Variants in OSTM1 observed in about 807,000 individuals in gnomAD.
OSTM1 encodes osteoclastogenesis associated transmembrane protein 1.
OSTM1 carries 26 observed loss-of-function variants against 35.4 expected under a neutral mutation model. That is an observed-to-expected ratio of 0.73 (90% CI 0.54 to 1.02). OSTM1 has a LOEUF of 1.02. OSTM1 is among the 50% of genes least tolerant of loss of function. The probability of loss-of-function intolerance (pLI) is 0.00; values close to 1 mark genes in which losing one functional copy is unlikely to be tolerated. For synonymous variants in OSTM1, 181 were observed against 165.0 expected, an observed-to-expected ratio of 1.10 and a Z score of -0.75; for missense variants, 366 against 409.6, an observed-to-expected ratio of 0.89 and a Z score of 0.92.
chr6:108,066,725 G>A (rs62427061), intron 1 of OSTM1, among the ~76,000 whole-genome samples: 35,176 of 151,984 alleles, frequency 0.23, 4,159 homozygotes, highest in Admixed American at 0.26. Context: ...TGGCCTTGAT[G>A]GGGAGATAAG....
At chr6:108,049,176 C>T in intron 5 of OSTM1, 77 bp downstream of exon 5, 2 of 916,702 alleles carry the variant, frequency 2.2e-6, no homozygotes. Context: ...CTCAGAGTAG[C>T]TATCATTTCT....
In OSTM1 at chr6:108,074,666, A is replaced by C. The variant is rs778813681; in HGVS notation, c.-15T>G. 7.8e-6 allele frequency: 12 copies of C among 1,535,012 alleles called. 1 individual carries two copies. The highest frequency in any genetic ancestry group is 2.3e-4 in the Middle Eastern group (1 of 4,408). On this transcript the variant is annotated 5_prime_UTR_variant, in exon 1 of 6. Transcript: ENST00000193322. Reference sequence around the variant, plus strand: ...CCCGGCTCCATCACCGGGCTCACACACCCCAGGGAGCCCACCGCCGCCTCT... The same window carrying C: ...CCCGGCTCCATCACCGGGCTCACACCCCCCAGGGAGCCCACCGCCGCCTCT...
chr6:108,045,039 CAT>C (rs757617496), intron 5 of OSTM1, among the ~76,000 whole-genome samples, 199 bp from the exon 6 acceptor site: 7 of 152,106 alleles, frequency 4.6e-5, no homozygotes, highest in African/African-American at 7.2e-5. Context: ...AGAAATTGCA[CAT>C]GACTTTGTTA....
intron 2 of OSTM1, among the ~76,000 whole-genome samples, chr6:108,057,500 G>A (rs1161368164): frequency 1.3e-5 from 2 of 152,158 alleles, no homozygotes; most frequent in Non-Finnish European, 2.9e-5. Flanking sequence ...CATACTGCCA[G>A]CAAAAGTAGT....
At chr6:108,047,597 G>A (rs1239726623) in intron 5 of OSTM1, among the ~76,000 whole-genome samples, 1 of 152,206 alleles carries the variant, frequency 6.6e-6, no homozygotes. Flanking sequence ...CCAGTTAAGG[G>A]GCTCTTGCGT....
At chr6:108,055,771 CA>C (rs1772160651) in intron 2 of OSTM1, among the ~76,000 whole-genome samples, 4 of 152,192 alleles carry the variant, frequency 2.6e-5, no homozygotes, top group Admixed American at 2.6e-4. Flanking sequence ...AATTCAAATT[CA>C]TGTGTTCTGA....
At chr6:108,044,893 ATTAT>A in intron 5 of OSTM1, 53 bp from the exon 6 acceptor site, 2 of 897,412 alleles carry the variant, frequency 2.2e-6, no homozygotes, top group Non-Finnish European at 1.7e-6. Flanking sequence ...ATCAAACATG[ATTAT>A]TTACTATTTT....
chr6:108,057,528 G>A (rs1772189105), intron 2 of OSTM1, among the ~76,000 whole-genome samples: 1 of 152,154 alleles, frequency 6.6e-6, no homozygotes, highest in African/African-American at 2.4e-5. Context: ...GCATTATCAT[G>A]AGAGAGCAAT....
chr6:108,062,570 T>C (rs1772301673), intron 2 of OSTM1, among the ~76,000 whole-genome samples: 1 of 148,200 alleles, frequency 6.7e-6, no homozygotes, highest in African/African-American at 2.5e-5. Context: ...TTGTTGTAGA[T>C]AGGGTCTCGT....
At position 108,074,266 on chromosome 6, in the gene OSTM1, ATGT is replaced by A; in HGVS notation, c.383_385del (p.Asn128del). 3 of 1,612,268 alleles carry A rather than the reference ATGT, an allele frequency of 1.9e-6. No individual in the cohort carries two copies. Among genetic ancestry groups the A allele is most frequent in the Non-Finnish European group, 2.5e-6 (3 of 1,179,952 alleles). On this transcript the variant is annotated inframe_deletion, in exon 1 of 6. Coordinates refer to ENST00000193322, the MANE Select transcript of OSTM1 (RefSeq NM_014028.4). Reference sequence around the variant, plus strand: ...TGTACCCACCCCCGCGGCTCGGCTGATGTTGTCCATCTTGCTGACGACCTGTTG... The same window carrying A: ...TGTACCCACCCCCGCGGCTCGGCTGATGTCCATCTTGCTGACGACCTGTTG...
At chr6:108,048,369 G>C (rs1021907631) in intron 5 of OSTM1, among the ~76,000 whole-genome samples, 7 of 152,172 alleles carry the variant, frequency 4.6e-5, no homozygotes, top group Admixed American at 4.6e-4. Flanking sequence ...AGAAAGCCAC[G>C]TGACTTAGAA....
At chr6:108,056,761 T>C (rs1325307080) in intron 2 of OSTM1, among the ~76,000 whole-genome samples, 1 of 152,098 alleles carries the variant, frequency 6.6e-6, no homozygotes, top group Non-Finnish European at 1.5e-5. Context: ...ATTTCAGGAG[T>C]TGTCCCCTCT....
In OSTM1 at chr6:108,043,484, T is replaced by C. The variant is rs1197796570; in HGVS notation, c.*1301A>G. ...ATTCAAATTCTCTTTTTAACAAAAT[T>C]CTTGTTTCTATATAGAGGAGATTTT... On this transcript the variant is annotated 3_prime_UTR_variant, in exon 6 of 6. Transcript: ENST00000193322. 1 of 152,220 alleles carries C rather than the reference T, an allele frequency of 6.6e-6. No homozygotes were observed. Among genetic ancestry groups the C allele is most frequent in the East Asian group, 1.9e-4 (1 of 5,194 alleles). 9.4% of individuals were successfully genotyped at this position (152,220 alleles called of 1,614,324 possible). A position where few individuals can be genotyped will look rare whatever the true frequency, so the allele number is the denominator to read the frequency against.
chr6:108,074,364 T>C lies in OSTM1; in HGVS notation c.288A>G (p.Ala96=), dbSNP rs1046452990. ...ELLLDFANSS[A]ELTGCLVRSA... is the part of the protein sequence containing the mutation. ...TGCGCACCAGACACCCTGTCAGCTC[T>C]GCGCTGCTGTTGGCGAAGTCCAGCA... Residue 96 remains alanine (A), a synonymous_variant, in exon 1 of 6, where the codon GCA becomes GCG. Coordinates refer to ENST00000193322, the MANE Select transcript of OSTM1 (RefSeq NM_014028.4). 3 of 1,600,616 alleles carry C rather than the reference T, an allele frequency of 1.9e-6. No homozygotes were observed. The highest frequency in any genetic ancestry group is 2.2e-5 in the South Asian group (2 of 89,268).
Position 108,074,521 on chromosome 6 carries a change from T to C in OSTM1, c.131A>G (p.His44Arg). ...CAACTGCTGCTCCGACAGGAGGTCG[T>C]GGAAGACCCTGTGCGGACTGCTGCC... ...PFGSSPHRVFHDLLSEQQLLE... is the reference protein window; with the variant it reads ...PFGSSPHRVFRDLLSEQQLLE... The change falls in exon 1 of 6, where the codon CAC becomes CGC. Residue 44 changes from histidine (H) to arginine (R), a missense_variant. This residue lies in a region of OSTM1 where 236 missense variants were observed against 239.3 expected (regional missense o/e 0.99). Transcript: ENST00000193322. 2.6e-6 allele frequency: 4 copies of C among 1,558,192 alleles called. No homozygotes were observed. Among genetic ancestry groups the C allele is most frequent in the Non-Finnish European group, 3.5e-6 (4 of 1,152,190 alleles).
rs554427144 is a variant in OSTM1 at position 108,060,547 on chromosome 6, A to G, written c.517+3638T>C. Among the ~76,000 whole-genome samples the G allele has an allele frequency of 2.6e-5, 4 of 152,106 alleles. No homozygotes were observed. The East Asian group carries it at 7.7e-4, about 29-fold the overall frequency. On this transcript the variant is annotated intron_variant, in intron 2 of 5. Coordinates refer to ENST00000193322, the MANE Select transcript of OSTM1 (RefSeq NM_014028.4). ...AGCCTGGGCAACATGACAAAACAGCATCTCTATTAAAAACACAAAAATTGG... is the reference window on the plus strand; with the variant it reads ...AGCCTGGGCAACATGACAAAACAGCGTCTCTATTAAAAACACAAAAATTGG...
chr6:108,066,003 TAGA>T (rs1186264978), intron 1 of OSTM1, among the ~76,000 whole-genome samples: 4 of 152,182 alleles, frequency 2.6e-5, no homozygotes, highest in African/African-American at 9.6e-5. Context: ...GATTCGAAAA[TAGA>T]AGAATTAAAT....
chr6:108,051,519 T>C (rs550192896), intron 3 of OSTM1, among the ~76,000 whole-genome samples: 23 of 152,332 alleles, frequency 1.5e-4, no homozygotes, highest in African/African-American at 5.5e-4. Context: ...ATAACAATAA[T>C]TCATATGCCA....
At chr6:108,060,591 C>T (rs1469563011) in intron 2 of OSTM1, among the ~76,000 whole-genome samples, 1 of 152,070 alleles carries the variant, frequency 6.6e-6, no homozygotes, top group Non-Finnish European at 1.5e-5. Context: ...CCTCGTGCTG[C>T]CTGTAGCCCC....
Sources: allele counts gnomAD v4.1 joint callset (sites outside exome capture counted in the v4.1 genomes callset), GRCh38; gene constraint gnomAD v4.1.1; regional missense constraint gnomAD v4.1.1; transcripts MANE v1.5; gene names NCBI Gene and HGNC (gene_info 2026-07-23, HGNC 2026-07-21).